APBB1IP: variants seen among roughly 807,000 people sequenced by gnomAD.
APBB1IP encodes the protein amyloid beta A4 precursor protein-binding family B member 1-interacting protein.
APBB1IP carries 27 observed loss-of-function variants against 64.9 expected under a neutral mutation model. That is an observed-to-expected ratio of 0.42 (90% CI 0.31 to 0.57). The LOEUF is 0.57. Ranked by LOEUF, APBB1IP falls within the 20% of genes least tolerant of loss-of-function variation. The pLI is 0.20. For missense variants in APBB1IP, 812 were observed against 845.5 expected (o/e 0.96, Z 0.49); for synonymous variants, 392 against 331.0 (o/e 1.18, Z -2.00).
intron 8 of APBB1IP, among the ~76,000 whole-genome samples, chr10:26,522,315 C>T (rs540497921): frequency 1.3e-3 from 203 of 152,302 alleles, no homozygotes; most frequent in South Asian, 3.1e-3. Flanking sequence ...CCCCCACTAT[C>T]AACACCCTCC....
intron 14 of APBB1IP, among the ~76,000 whole-genome samples, chr10:26,563,120 A>C (rs1836994893): frequency 1.3e-5 from 2 of 152,210 alleles, no homozygotes; most frequent in Non-Finnish European, 2.9e-5. Flanking sequence ...AAATAGGGCA[A>C]CTAGTAGTCT....
chr10:26,561,185 C>T (rs1204033136), intron 13 of APBB1IP, among the ~76,000 whole-genome samples: 1 of 147,398 alleles, frequency 6.8e-6, no homozygotes, highest in Non-Finnish European at 1.5e-5. Flanking sequence ...TCTCCTGCCT[C>T]AGCCTCCTGA....
chr10:26,501,430 G>C (rs7922296), intron 5 of APBB1IP: 1 of 516,192 alleles, frequency 1.9e-6, no homozygotes, highest in African/African-American at 1.9e-5. Flanking sequence ...ATGTGGAACT[G>C]ATTATATATT....
intron 4 of APBB1IP, among the ~76,000 whole-genome samples, chr10:26,497,276 G>A (rs547265706): frequency 6.6e-6 from 1 of 152,306 alleles, no homozygotes; most frequent in East Asian, 1.9e-4. Context: ...TTGAGGCCAG[G>A]CGCAGTGGCT....
intron 8 of APBB1IP, among the ~76,000 whole-genome samples, chr10:26,522,742 C>T (rs919534140): frequency 6.6e-6 from 1 of 151,908 alleles, no homozygotes; most frequent in Non-Finnish European, 1.5e-5. Flanking sequence ...GGAGGCCAGG[C>T]ACAGTGGCTC....
chr10:26,508,920 G>C (rs1289844677), intron 6 of APBB1IP, among the ~76,000 whole-genome samples: 1 of 152,120 alleles, frequency 6.6e-6, no homozygotes, highest in Non-Finnish European at 1.5e-5. Flanking sequence ...AGCAACATAT[G>C]TTTTATTTTC....
intron 8 of APBB1IP, among the ~76,000 whole-genome samples, chr10:26,515,423 C>T (rs1256706539): frequency 1.3e-5 from 2 of 152,166 alleles, no homozygotes; most frequent in South Asian, 4.1e-4. Context: ...GAGGGAAGAG[C>T]CGGGGAAATG....
intron 2 of APBB1IP, among the ~76,000 whole-genome samples, chr10:26,490,208 T>C (rs1835938110): frequency 6.6e-6 from 1 of 152,216 alleles, no homozygotes. Flanking sequence ...GGGTGAACTA[T>C]AAGTTTTCAA....
intron 6 of APBB1IP, among the ~76,000 whole-genome samples, chr10:26,508,046 T>C (rs921088459): frequency 3.3e-5 from 5 of 152,218 alleles, no homozygotes; most frequent in African/African-American, 1.2e-4. Flanking sequence ...CGAAGACAAG[T>C]TATGTATTTG....
intron 13 of APBB1IP, chr10:26,562,069 C>G (rs950963949): frequency 6.0e-5 from 23 of 383,778 alleles, no homozygotes; most frequent in Non-Finnish European, 1.1e-4. Flanking sequence ...ACCGTACTCA[C>G]CTTCCTGATC....
At chr10:26,530,688 CA>C (rs35100053) in intron 8 of APBB1IP, among the ~76,000 whole-genome samples, 88,069 of 145,176 alleles carry the variant, frequency 0.61, 26,933 homozygotes, top group African/African-American at 0.76. Context: ...GACTCTGTCT[CA>C]AAAAAAAAAA....
chr10:26,525,490 T>G (rs1246476786), intron 8 of APBB1IP, among the ~76,000 whole-genome samples: 1 of 152,150 alleles, frequency 6.6e-6, no homozygotes, highest in Non-Finnish European at 1.5e-5. Context: ...GTAAGACTTT[T>G]TCTCCCCTAC....
chr10:26,441,431 A>G (rs1388145196), intron 2 of APBB1IP, among the ~76,000 whole-genome samples: 1 of 152,172 alleles, frequency 6.6e-6, no homozygotes, highest in East Asian at 1.9e-4. Flanking sequence ...TAAAGAGACT[A>G]GATTGTACCT....
At chr10:26,544,986 C>T (rs1836741937) in intron 11 of APBB1IP, among the ~76,000 whole-genome samples, 1 of 152,166 alleles carries the variant, frequency 6.6e-6, no homozygotes, top group Non-Finnish European at 1.5e-5. Context: ...TCATGAGCAA[C>T]CCTTGCAGAA....
At chr10:26,492,770 C>A (rs144113133) in intron 3 of APBB1IP, among the ~76,000 whole-genome samples, 2,337 of 152,228 alleles carry the variant, frequency 0.015, 61 homozygotes, top group African/African-American at 0.052. Context: ...TATCACAAGG[C>A]AAATGGGCAG....
chr10:26,525,324 A>C (rs1033169853), intron 8 of APBB1IP, among the ~76,000 whole-genome samples: 3 of 152,104 alleles, frequency 2.0e-5, no homozygotes, highest in Admixed American at 6.6e-5. Flanking sequence ...TCTACTTAGC[A>C]TAAAAATACA....
chr10:26,555,418 G>A (rs1390665703), intron 11 of APBB1IP, among the ~76,000 whole-genome samples: 1 of 152,036 alleles, frequency 6.6e-6, no homozygotes, highest in East Asian at 1.9e-4. Flanking sequence ...ACAGCATTCT[G>A]TCGCTTCTTC....
intron 2 of APBB1IP, among the ~76,000 whole-genome samples, chr10:26,441,115 A>G (rs914469716): frequency 6.6e-6 from 1 of 152,154 alleles, no homozygotes; most frequent in African/African-American, 2.4e-5. Context: ...TATTAACACA[A>G]CAGGTATCTT....
chr10:26,514,226 C>G (rs1163159060), intron 8 of APBB1IP, among the ~76,000 whole-genome samples: 1 of 152,166 alleles, frequency 6.6e-6, no homozygotes, highest in African/African-American at 2.4e-5. Flanking sequence ...ACCTATCTCT[C>G]TGTGGTTTTC....
Sources: allele counts gnomAD v4.1 joint callset (sites outside exome capture counted in the v4.1 genomes callset), GRCh38; gene constraint gnomAD v4.1.1; transcripts MANE v1.5; gene names NCBI Gene and HGNC (gene_info 2026-07-23, HGNC 2026-07-21).